POLR3B: variants seen among roughly 807,000 people sequenced by gnomAD.
POLR3B encodes DNA-directed RNA polymerase III subunit RPC2.
Under a neutral mutation model 147.4 loss-of-function variants are expected in POLR3B, and 96 were observed. The observed-to-expected ratio is 0.65, with a 90% CI of 0.55 to 0.77. POLR3B has a LOEUF of 0.77. Ranked by LOEUF, POLR3B falls within the 30% of genes least tolerant of loss-of-function variation. POLR3B has a pLI of 0.00. For synonymous variants in POLR3B, 461 were observed against 485.9 expected, an observed-to-expected ratio of 0.95 and a Z score of 0.67; for missense variants, 1,036 against 1,413.5, an observed-to-expected ratio of 0.73 and a Z score of 4.28.
intron 23 of POLR3B, among the ~76,000 whole-genome samples, chr12:106,476,613 C>A (rs1372867802): frequency 1.4e-5 from 2 of 141,150 alleles, no homozygotes; most frequent in African/African-American, 2.8e-5. Flanking sequence ...TCATTTCATT[C>A]ATTTCATCTT....
chr12:106,383,192 G>T (rs1018019799), intron 9 of POLR3B, among the ~76,000 whole-genome samples: 5 of 152,150 alleles, frequency 3.3e-5, no homozygotes, highest in African/African-American at 9.7e-5. Flanking sequence ...TCTGGATTAT[G>T]CTTTGACTTA....
intron 23 of POLR3B, among the ~76,000 whole-genome samples, chr12:106,477,833 T>TCAC (rs1226843994): frequency 1.4e-5 from 2 of 146,628 alleles, no homozygotes; most frequent in Non-Finnish European, 3.0e-5. Flanking sequence ...TCTGCGTCGC[T>TCAC]CACGGGCTGG....
At chr12:106,362,725 C>T (rs2036486346) in intron 1 of POLR3B, among the ~76,000 whole-genome samples, 1 of 152,142 alleles carries the variant, frequency 6.6e-6, no homozygotes, top group Admixed American at 6.5e-5. Flanking sequence ...AAAACAGTCA[C>T]ATTCTGAGAT....
At chr12:106,407,601 G>A (rs1332152083) in intron 11 of POLR3B, among the ~76,000 whole-genome samples, 4 of 151,948 alleles carry the variant, frequency 2.6e-5, no homozygotes, top group African/African-American at 4.8e-5. Context: ...AGGCTGAGGC[G>A]GGCAGATCAC....
chr12:106,392,849 T>C (rs376362924), intron 9 of POLR3B, among the ~76,000 whole-genome samples, 182 bp from the exon 10 acceptor site: 1 of 152,380 alleles, frequency 6.6e-6, no homozygotes, highest in South Asian at 2.1e-4. Context: ...CTAATCAAAA[T>C]ATCTGTTTCA....
intron 23 of POLR3B, among the ~76,000 whole-genome samples, chr12:106,481,151 A>C (rs2038261874): frequency 6.6e-6 from 1 of 152,206 alleles, no homozygotes; most frequent in South Asian, 2.1e-4. Context: ...CTCATAGGTC[A>C]CTGCAGGAAC....
At chr12:106,380,585 C>T (rs1291860069) in intron 9 of POLR3B, among the ~76,000 whole-genome samples, 1 of 151,900 alleles carries the variant, frequency 6.6e-6, no homozygotes, top group Non-Finnish European at 1.5e-5. Flanking sequence ...CTCATCTCTA[C>T]AAATAATAAA....
intron 10 of POLR3B, among the ~76,000 whole-genome samples, chr12:106,400,830 G>A (rs1439404669): frequency 6.6e-6 from 1 of 152,204 alleles, no homozygotes; most frequent in Non-Finnish European, 1.5e-5. Context: ...AAAGCAGTGT[G>A]TAGAGGGAAA....
At chr12:106,471,362 C>T (rs936890226) in intron 23 of POLR3B, among the ~76,000 whole-genome samples, 4 of 152,148 alleles carry the variant, frequency 2.6e-5, no homozygotes, top group African/African-American at 9.7e-5. Flanking sequence ...TCTCCAGGTA[C>T]AGTCACTCAT....
intron 23 of POLR3B, among the ~76,000 whole-genome samples, chr12:106,492,203 A>G (rs1307411447): frequency 1.3e-5 from 2 of 151,970 alleles, no homozygotes; most frequent in Non-Finnish European, 2.9e-5. Context: ...ACACAGAGAC[A>G]GTACACTAAA....
intron 14 of POLR3B, among the ~76,000 whole-genome samples, chr12:106,431,277 A>T (rs756022394): frequency 3.3e-5 from 5 of 152,238 alleles, no homozygotes; most frequent in Non-Finnish European, 5.9e-5. Flanking sequence ...ATCTTAAACC[A>T]TATGGAAATT....
intron 21 of POLR3B, among the ~76,000 whole-genome samples, chr12:106,458,287 T>C (rs2037890570): frequency 6.6e-6 from 1 of 151,782 alleles, no homozygotes; most frequent in Admixed American, 6.6e-5. Context: ...CATGCCTGGA[T>C]AGTTTTTTGT....
chr12:106,450,367 C>T (rs545459350), intron 19 of POLR3B, among the ~76,000 whole-genome samples: 21 of 152,106 alleles, frequency 1.4e-4, no homozygotes, highest in Non-Finnish European at 2.6e-4. Context: ...AATTGATCTT[C>T]TCAAAATTAA....
At chr12:106,507,180 T>G (rs1178511482) in intron 27 of POLR3B, among the ~76,000 whole-genome samples, 1 of 152,186 alleles carries the variant, frequency 6.6e-6, no homozygotes, top group Non-Finnish European at 1.5e-5. Context: ...TGGACAGTCA[T>G]TTCTCGTGTG....
intron 1 of POLR3B, among the ~76,000 whole-genome samples, chr12:106,362,479 G>A (rs2036483745): frequency 6.6e-6 from 1 of 152,204 alleles, no homozygotes; most frequent in East Asian, 1.9e-4. Flanking sequence ...TGAGGGCTAT[G>A]AGAGAGGATC....
chr12:106,492,502 C>G (rs938684017), intron 23 of POLR3B, among the ~76,000 whole-genome samples: 1 of 152,184 alleles, frequency 6.6e-6, no homozygotes. Flanking sequence ...TGCCACTGCA[C>G]TCCAGCCTGG....
chr12:106,499,273 G>A (rs2038555862), intron 25 of POLR3B, among the ~76,000 whole-genome samples: 1 of 152,110 alleles, frequency 6.6e-6, no homozygotes, highest in East Asian at 1.9e-4. Context: ...AAAACCATAG[G>A]ATCAATTTGG....
At chr12:106,403,937 T>G (rs1350323040) in intron 10 of POLR3B, among the ~76,000 whole-genome samples, 1 of 151,922 alleles carries the variant, frequency 6.6e-6, no homozygotes. Flanking sequence ...ATTGTGCACA[T>G]GTACCCTAAA....
intron 27 of POLR3B, chr12:106,507,479 C>T: frequency 4.6e-6 from 1 of 216,408 alleles, no homozygotes; most frequent in Admixed American, 5.7e-5. Context: ...CGAAAGGTAC[C>T]CCCGTTAAAT....
Sources: gnomAD v4.1 joint callset for allele counts (sites outside exome capture counted in the v4.1 genomes callset) on GRCh38, gnomAD v4.1.1 for gene constraint, MANE v1.5 for transcripts, NCBI Gene and HGNC (gene_info 2026-07-23, HGNC 2026-07-21) for gene names.